Variants in TRIM46 observed in about 807,000 individuals in gnomAD.
The protein encoded by TRIM46 is tripartite motif-containing protein 46.
TRIM46 carries 17 observed loss-of-function variants against 69.7 expected under a neutral mutation model. The observed-to-expected ratio is 0.24, with a 90% CI of 0.17 to 0.37. TRIM46 has a LOEUF of 0.37. Ranked by LOEUF, TRIM46 falls within the 10% of genes least tolerant of loss-of-function variation. The pLI is 1.00. For synonymous variants in TRIM46, 391 were observed against 429.0 expected (o/e 0.91, Z 1.09); for missense variants, 675 against 1,025.1 (o/e 0.66, Z 4.66).
chr1:155,174,867 G>C, intron 1 of TRIM46: 1 of 1,416,020 alleles, frequency 7.1e-7, no homozygotes, highest in Non-Finnish European at 9.2e-7. Flanking sequence ...GAAGGATGGG[G>C]AATGGAGGCT....
rs1666198884 is a variant in TRIM46, at chr1:155,181,886, A to C, written c.1623A>C (p.Ala541=). The change falls in exon 9 of 10, where the codon GCA becomes GCC. Residue 541 remains alanine, a synonymous_variant. Transcript: ENST00000334634. This position sits in a 1 kb window ranked among gnomAD's most constrained non-coding sequence, Gnocchi z 4.3. ...TCTTCCTCGATAGCCGCTGGGGCGCAAGCCGAGAGCGGCTGGCTATCAGCA... is the reference window on the plus strand; with the variant it reads ...TCTTCCTCGATAGCCGCTGGGGCGCCAGCCGAGAGCGGCTGGCTATCAGCA... ...LHFFLDSRWG[A]SRERLAISKD... The C allele has an allele frequency of 1.2e-6, 2 of 1,612,970 alleles. No individual in the cohort carries two copies. Among genetic ancestry groups the C allele is most frequent in the South Asian group, 2.2e-5 (2 of 91,054 alleles).
intron 7 of TRIM46, 111 bp downstream of exon 7, chr1:155,178,724 C>T (rs1297665286): frequency 1.3e-6 from 2 of 1,534,590 alleles, no homozygotes; most frequent in Non-Finnish European, 1.7e-6. Flanking sequence ...CCTGCCCGGC[C>T]TGGCCAGCCA....
chr1:155,184,023 C>A lies in TRIM46; in HGVS notation c.2113C>A (p.Leu705Met). 6.2e-7 allele frequency: 1 copy of A among 1,614,162 alleles called. No individual in the cohort carries two copies. Among genetic ancestry groups the A allele is most frequent in the South Asian group, 1.1e-5 (1 of 91,086 alleles). ...LDYERGRVSFLDAVSFRGLLE... is the reference protein window; with the variant it reads ...LDYERGRVSFMDAVSFRGLLE... ...CTATGAGCGGGGCCGGGTTTCCTTC[C>A]TGGATGCTGTTTCCTTCCGTGGGCT... Residue 705 changes from leucine to methionine, a missense_variant, in exon 10 of 10, where the codon CTG becomes ATG. Leu to Met is a conservative substitution (Grantham distance 15). Coordinates refer to ENST00000334634, the MANE Select transcript of TRIM46 (RefSeq NM_025058.5). The surrounding 1 kb of genome is among the most constrained non-coding windows in gnomAD (Gnocchi z 5.6).
At position 155,181,742 on chromosome 1, in the gene TRIM46, G is replaced by A. The variant is rs1024274100; in HGVS notation, c.1589-110G>A. Reference sequence around the variant, plus strand: ...CTCCTGAACCCCCTGCCTGTTCCTGGTGACTGAACCCCCTTGCAACGCGTT... The same window carrying A: ...CTCCTGAACCCCCTGCCTGTTCCTGATGACTGAACCCCCTTGCAACGCGTT... On this transcript the variant is annotated intron_variant, in intron 8 of 9. Coordinates refer to ENST00000334634, the MANE Select transcript of TRIM46 (RefSeq NM_025058.5). This position sits in a 1 kb window ranked among gnomAD's most constrained non-coding sequence, Gnocchi z 4.3. 8.1e-7 allele frequency: 1 copy of A among 1,229,540 alleles called. No homozygotes were observed. The highest frequency in any genetic ancestry group is 1.1e-6 in the Non-Finnish European group (1 of 880,040). The allele number at this position is 1,229,540 out of a possible 1,614,324, so 76.2% of individuals were successfully genotyped here. A position where few individuals can be genotyped will look rare whatever the true frequency, so the allele number is the denominator to read the frequency against.
intron 7 of TRIM46, 126 bp downstream of exon 7, chr1:155,178,739 T>TTGGGCCCCCCCCCCCCCC: frequency 2.6e-4 from 344 of 1,348,066 alleles, no homozygotes; most frequent in Non-Finnish European, 3.2e-4. Context: ...CAGCCATTCC[T>TTGGGCCCCCCCCCCCCCC]CCCACCCAGC....
Position 155,173,863 on chromosome 1 carries a change from A to AC in TRIM46, c.-99dup. On this transcript the variant is annotated 5_prime_UTR_variant, in exon 1 of 10. Coordinates refer to ENST00000334634, the MANE Select transcript of TRIM46 (RefSeq NM_025058.5). The stretch of plus-strand genomic sequence containing the variant: ...CGGGAGCATGCGCAGTGACACCTCA[A>AC]CCCCCAGCCCTCCTCACACCCCCAC... 1 of 1,212,434 alleles carries AC rather than the reference A, an allele frequency of 8.2e-7. No homozygotes were observed. Among genetic ancestry groups the AC allele is most frequent in the Non-Finnish European group, 1.2e-6 (1 of 851,844 alleles). The allele number at this position is 1,212,434 out of a possible 1,614,324, so 75.1% of individuals were successfully genotyped here.
In TRIM46 at chr1:155,184,432, A is replaced by G; in HGVS notation, c.*242A>G. On this transcript the variant is annotated 3_prime_UTR_variant, in exon 10 of 10. Coordinates refer to ENST00000334634, the MANE Select transcript of TRIM46 (RefSeq NM_025058.5). This position sits in a 1 kb window ranked among gnomAD's most constrained non-coding sequence, Gnocchi z 5.6. Reference sequence around the variant, plus strand: ...GTTAGCCAGGCCCCCACCCCCACTGAGTCTGCCCTATGACCTGCCTTTGGC... The same window carrying G: ...GTTAGCCAGGCCCCCACCCCCACTGGGTCTGCCCTATGACCTGCCTTTGGC... The G allele has an allele frequency of 1.9e-6, 1 of 535,996 alleles. No homozygotes were observed. The allele number at this position is 535,996 out of a possible 1,614,324, so 33.2% of individuals were successfully genotyped here. A position where few individuals can be genotyped will look rare whatever the true frequency, so the allele number is the denominator to read the frequency against.
Position 155,175,151 on chromosome 1 carries a change from C to A in TRIM46, c.64-235C>A. The A allele has an allele frequency of 7.2e-7, 1 of 1,391,138 alleles. No individual in the cohort carries two copies. Among genetic ancestry groups the A allele is most frequent in the Non-Finnish European group, 9.3e-7 (1 of 1,077,454 alleles). 86.2% of individuals were successfully genotyped at this position (1,391,138 alleles called of 1,614,324 possible). ...GGATTGGGCTTGAGGCTGGAGCAGGCACAAGCTCCAACCGTCCCTCCTCTG... is the reference window on the plus strand; with the variant it reads ...GGATTGGGCTTGAGGCTGGAGCAGGAACAAGCTCCAACCGTCCCTCCTCTG... On this transcript the variant is annotated intron_variant, in intron 1 of 9. Coordinates refer to ENST00000334634, the MANE Select transcript of TRIM46 (RefSeq NM_025058.5). This position sits in a 1 kb window ranked among gnomAD's most constrained non-coding sequence, Gnocchi z 4.2.
At chr1:155,183,417 C>T (rs1437855929) in intron 9 of TRIM46, among the ~76,000 whole-genome samples, 1 of 152,090 alleles carries the variant, frequency 6.6e-6, no homozygotes, top group Non-Finnish European at 1.5e-5. Flanking sequence ...CACCCACCTT[C>T]CCAACATCCT....
chr1:155,179,912 C>A lies in TRIM46; in HGVS notation c.1566C>A (p.His522Gln). The A allele has an allele frequency of 1.3e-6, 2 of 1,583,522 alleles. No individual in the cohort carries two copies. Among genetic ancestry groups the A allele is most frequent in the South Asian group, 2.3e-5 (2 of 87,264 alleles). The change falls in exon 8 of 10, where the codon CAC becomes CAA. Residue 522 changes from histidine (H) to glutamine (Q), a missense_variant. Transcript: ENST00000334634. Reference sequence around the variant, plus strand: ...ACGGCGAATACAGTGAAGATGTGCACCTGCACACGCCCCCGGCACCTGGTG... The same window carrying A: ...ACGGCGAATACAGTGAAGATGTGCAACTGCACACGCCCCCGGCACCTGGTG... ...AGYGEYSEDV[H>Q]LHTPPAPVLH... is the part of the protein sequence containing the mutation.
At chr1:155,178,945 T>A in intron 7 of TRIM46, 1 of 899,454 alleles carries the variant, frequency 1.1e-6, no homozygotes, top group Non-Finnish European at 1.6e-6. Context: ...ATTGCTTCCT[T>A]CTCTTTCCTG....
intron 9 of TRIM46, chr1:155,182,595 C>T (rs1283042464): frequency 9.9e-6 from 2 of 201,334 alleles, no homozygotes; most frequent in African/African-American, 4.6e-5. Context: ...AATCCCAGCA[C>T]TTTGGGAGGC....
At chr1:155,174,789 C>T in intron 1 of TRIM46, 1 of 1,459,170 alleles carries the variant, frequency 6.9e-7, no homozygotes. Context: ...CCGGGTTGCG[C>T]TGCGGGAGAG....
At position 155,184,199 on chromosome 1, in the gene TRIM46, G is replaced by T; in HGVS notation, c.*9G>T. 6.3e-7 allele frequency: 1 copy of T among 1,590,748 alleles called. No individual in the cohort carries two copies. Among genetic ancestry groups the T allele is most frequent in the East Asian group, 2.2e-5 (1 of 44,514 alleles). On this transcript the variant is annotated 3_prime_UTR_variant, in exon 10 of 10. Transcript: ENST00000334634. The surrounding 1 kb of genome is among the most constrained non-coding windows in gnomAD (Gnocchi z 5.6). ...TCGCCAAGCTGGACTGAGCCTTCCAGGCCCCTCATGCAGACCTGGGGTCCT... is the reference window on the plus strand; with the variant it reads ...TCGCCAAGCTGGACTGAGCCTTCCATGCCCCTCATGCAGACCTGGGGTCCT...
At chr1:155,183,701 T>C in intron 9 of TRIM46, 96 bp from the exon 10 acceptor site, 2 of 1,508,952 alleles carry the variant, frequency 1.3e-6, no homozygotes, top group Non-Finnish European at 9.0e-7. Flanking sequence ...TTCAACCTCT[T>C]GCTCCTTAAC....
At chr1:155,178,739 T>TTGGCGCCCCCCCCCCCCCCCC in intron 7 of TRIM46, 126 bp downstream of exon 7, 1 of 1,348,474 alleles carries the variant, frequency 7.4e-7, no homozygotes, top group Non-Finnish European at 1.0e-6. Flanking sequence ...CAGCCATTCC[T>TTGGCGCCCCCCCCCCCCCCCC]CCCACCCAGC....
At chr1:155,182,199 G>T in intron 9 of TRIM46, 50 bp downstream of exon 9, 1 of 1,581,170 alleles carries the variant, frequency 6.3e-7, no homozygotes, top group East Asian at 2.3e-5. Flanking sequence ...GTGGGAGTGA[G>T]GGGCACAGAA....
chr1:155,177,099 C>T, intron 4 of TRIM46, 24 bp downstream of exon 4: 1 of 1,612,798 alleles, frequency 6.2e-7, no homozygotes, highest in Admixed American at 1.7e-5. Context: ...TTATCCAACC[C>T]TAGTGCTAAC....
In TRIM46 at chr1:155,184,115, A is replaced by G; in HGVS notation, c.2205A>G (p.Ala735=). The G allele has an allele frequency of 6.2e-7, 1 of 1,613,910 alleles. No individual in the cohort carries two copies. Among genetic ancestry groups the G allele is most frequent in the South Asian group, 1.1e-5 (1 of 91,084 alleles). ...CPAFCFIGGG[A]VQLQEPVGTK... The stretch of plus-strand genomic sequence containing the variant: ...CCTTTTGCTTCATCGGGGGTGGCGC[A>G]GTACAGCTCCAGGAGCCAGTGGGCA... Residue 735 remains alanine, a synonymous_variant, in exon 10 of 10, where the codon GCA becomes GCG. Transcript: ENST00000334634. This position sits in a 1 kb window ranked among gnomAD's most constrained non-coding sequence, Gnocchi z 5.6.
Sources: allele counts gnomAD v4.1 joint callset (sites outside exome capture counted in the v4.1 genomes callset), GRCh38; gene constraint gnomAD v4.1.1; non-coding constraint Gnocchi (gnomAD v3.1); transcripts MANE v1.5; gene names NCBI Gene and HGNC (gene_info 2026-07-23, HGNC 2026-07-21).